The following C8orf34 variants were observed in gnomAD, a reference collection of about 807,000 sequenced individuals.
The protein encoded by C8orf34 is chromosome 8 open reading frame 34.
A neutral mutation model predicts 68.3 loss-of-function variants in C8orf34; 65 were observed. That is an observed-to-expected ratio of 0.95 (90% CI 0.78 to 1.17). The LOEUF (loss-of-function observed/expected upper bound fraction) is 1.17, where lower values mean the gene tolerates loss of function less well. C8orf34 is among the 50% of genes most tolerant of loss of function. The pLI, the probability that C8orf34 is intolerant of heterozygous loss-of-function variation, is 0.00. For missense variants in C8orf34, 664 were observed against 655.4 expected (o/e 1.01, Z -0.14); for synonymous variants, 244 against 241.2 (o/e 1.01, Z -0.11).
chr8:68,550,425 C>T (rs1207791082), intron 7 of C8orf34, among the ~76,000 whole-genome samples: 1 of 151,836 alleles, frequency 6.6e-6, no homozygotes, highest in Non-Finnish European at 1.5e-5. Flanking sequence ...CCATCATTTA[C>T]TTCATATATA....
intron 9 of C8orf34, among the ~76,000 whole-genome samples, chr8:68,716,398 G>T (rs907018767): frequency 6.6e-6 from 1 of 151,940 alleles, no homozygotes; most frequent in African/African-American, 2.4e-5. Context: ...ACTGATCAAA[G>T]ATTAATATTC....
chr8:68,405,743 C>A (rs1271840355), intron 1 of C8orf34, among the ~76,000 whole-genome samples: 1 of 152,048 alleles, frequency 6.6e-6, no homozygotes, highest in Non-Finnish European at 1.5e-5. Context: ...GAAGAAAATA[C>A]ACACTTAATT....
chr8:68,335,057 G>T (rs993628455), intron 1 of C8orf34, among the ~76,000 whole-genome samples: 3 of 152,076 alleles, frequency 2.0e-5, no homozygotes, highest in African/African-American at 7.2e-5. Context: ...TAGTGTCTGC[G>T]GAGATCTCCT....
intron 7 of C8orf34, among the ~76,000 whole-genome samples, chr8:68,556,670 C>A (rs1340957537): frequency 2.0e-5 from 3 of 152,046 alleles, no homozygotes; most frequent in Non-Finnish European, 2.9e-5. Context: ...AGACCATTAC[C>A]CAGGGATCCT....
chr8:68,500,847 A>T (rs1563489244), intron 5 of C8orf34, among the ~76,000 whole-genome samples: 1 of 152,192 alleles, frequency 6.6e-6, no homozygotes, highest in Non-Finnish European at 1.5e-5. Flanking sequence ...GAATTATATT[A>T]AAAAATTTTT....
chr8:68,812,713 A>G (rs915093483), intron 12 of C8orf34, among the ~76,000 whole-genome samples: 7 of 152,166 alleles, frequency 4.6e-5, no homozygotes, highest in Admixed American at 6.5e-5. Flanking sequence ...TTACTTAACA[A>G]ATATTTATTG....
chr8:68,647,709 G>T (rs184528510), intron 8 of C8orf34, among the ~76,000 whole-genome samples: 7 of 152,212 alleles, frequency 4.6e-5, no homozygotes, highest in South Asian at 2.1e-4. Flanking sequence ...ATAACACAAG[G>T]TTTGTTGTTT....
At chr8:68,649,931 T>A (rs542626330) in intron 8 of C8orf34, among the ~76,000 whole-genome samples, 4 of 152,240 alleles carry the variant, frequency 2.6e-5, no homozygotes, top group Non-Finnish European at 4.4e-5. Flanking sequence ...AATGGAGTGG[T>A]TACTTCAGTT....
intron 7 of C8orf34, among the ~76,000 whole-genome samples, chr8:68,599,658 C>T (rs1444081804): frequency 6.6e-6 from 1 of 151,928 alleles, no homozygotes; most frequent in Non-Finnish European, 1.5e-5. Flanking sequence ...ATTATACCCC[C>T]AGATATAAAT....
chr8:68,390,110 A>C (rs941854455), intron 1 of C8orf34, among the ~76,000 whole-genome samples: 1 of 152,152 alleles, frequency 6.6e-6, no homozygotes, highest in East Asian at 1.9e-4. Flanking sequence ...TCACTGTTGT[A>C]TCTTTTGGTG....
At chr8:68,773,274 CCAT>C (rs1823406160) in intron 10 of C8orf34, among the ~76,000 whole-genome samples, 1 of 152,120 alleles carries the variant, frequency 6.6e-6, no homozygotes, top group Non-Finnish European at 1.5e-5. Context: ...CTTTTCTGAC[CCAT>C]CAGAATCAGA....
chr8:68,507,749 C>T lies in C8orf34; in HGVS notation c.766-14050C>T, dbSNP rs182975356. Among the ~76,000 whole-genome samples the T allele has an allele frequency of 2.0e-5, 3 of 152,296 alleles. No individual in the cohort carries two copies. The East Asian group carries it at 5.8e-4, about 29-fold the overall frequency. On this transcript the variant is annotated intron_variant, in intron 5 of 13. Transcript: ENST00000518698. ...TTTTATATCTGAAACAGTTTCAGCC[C>T]CTTTAACTCCAGGCTGATGCTTTTG...
intron 7 of C8orf34, among the ~76,000 whole-genome samples, chr8:68,599,752 G>A (rs1470370199): frequency 3.3e-5 from 5 of 152,132 alleles, no homozygotes; most frequent in Middle Eastern, 3.4e-3. Flanking sequence ...TAGAGAGGAT[G>A]TGAAATATAC....
At chr8:68,748,540 G>GA (rs1371806425) in intron 10 of C8orf34, among the ~76,000 whole-genome samples, 2 of 151,874 alleles carry the variant, frequency 1.3e-5, no homozygotes, top group Non-Finnish European at 2.9e-5. Flanking sequence ...AAATTTACAA[G>GA]AAAAAAACAA....
chr8:68,488,880 G>T (rs757082705), intron 5 of C8orf34, among the ~76,000 whole-genome samples: 1 of 152,036 alleles, frequency 6.6e-6, no homozygotes, highest in Non-Finnish European at 1.5e-5. Flanking sequence ...GGACCCCAAA[G>T]AGTCTTGATT....
chr8:68,558,392 GTTGA>G (rs1191101060), intron 7 of C8orf34, among the ~76,000 whole-genome samples: 2 of 151,974 alleles, frequency 1.3e-5, no homozygotes, highest in African/African-American at 4.8e-5. Flanking sequence ...GTAAATATAT[GTTGA>G]TTTTTTAAAT....
intron 7 of C8orf34, among the ~76,000 whole-genome samples, chr8:68,621,741 G>GT (rs1284528797): frequency 6.6e-6 from 1 of 152,178 alleles, no homozygotes; most frequent in Admixed American, 6.6e-5. Context: ...ACTTCGGTTA[G>GT]TCAAGGCAAA....
At chr8:68,755,991 C>A (rs1411037421) in intron 10 of C8orf34, among the ~76,000 whole-genome samples, 3 of 151,446 alleles carry the variant, frequency 2.0e-5, no homozygotes, top group Admixed American at 2.0e-4. Flanking sequence ...GGCGTGAACC[C>A]GGGAGGCGGA....
At chr8:68,422,501 C>A (rs1586106715) in intron 1 of C8orf34, among the ~76,000 whole-genome samples, 1 of 152,186 alleles carries the variant, frequency 6.6e-6, no homozygotes, top group Admixed American at 6.5e-5. Flanking sequence ...ACTCCCATGA[C>A]CTTGGGCAGC....
Sources: allele counts gnomAD v4.1 joint callset (sites outside exome capture counted in the v4.1 genomes callset), GRCh38; gene constraint gnomAD v4.1.1; transcripts MANE v1.5; gene names NCBI Gene and HGNC (gene_info 2026-07-23, HGNC 2026-07-21).